Variants in PDE2A observed in about 807,000 individuals in gnomAD.
PDE2A encodes the protein cGMP-dependent 3',5'-cyclic phosphodiesterase.
PDE2A carries 53 observed loss-of-function variants against 133.6 expected under a neutral mutation model. The observed-to-expected ratio is 0.40, with a 90% CI of 0.32 to 0.50. The LOEUF is 0.50. Among genes scored for constraint, PDE2A ranks in the 20% least tolerant of loss-of-function variants. The pLI is 0.73. For missense variants in PDE2A, 796 were observed against 1,232.4 expected (o/e 0.65, Z 5.30); for synonymous variants, 491 against 490.2 (o/e 1.00, Z -0.02).
intron 5 of PDE2A, 78 bp from the exon 6 acceptor site, chr11:72,596,726 G>A (rs1856509383): frequency 4.4e-6 from 4 of 899,658 alleles, no homozygotes; most frequent in Non-Finnish European, 6.3e-6. Flanking sequence ...CCAGGTGGGG[G>A]AGACAAAGAT....
intron 2 of PDE2A, among the ~76,000 whole-genome samples, chr11:72,639,936 C>G (rs187319614): frequency 2.0e-5 from 3 of 152,168 alleles, no homozygotes; most frequent in East Asian, 1.9e-4. Context: ...ATTCCACACG[C>G]CCCAAATGTT....
intron 1 of PDE2A, among the ~76,000 whole-genome samples, chr11:72,653,528 A>G (rs1238345943): frequency 6.6e-6 from 1 of 152,042 alleles, no homozygotes; most frequent in Non-Finnish European, 1.5e-5. Flanking sequence ...GTCGCAGGGG[A>G]GTGACAGAGG....
At chr11:72,646,079 C>T (rs942469804) in intron 1 of PDE2A, among the ~76,000 whole-genome samples, 2 of 152,248 alleles carry the variant, frequency 1.3e-5, no homozygotes, top group Non-Finnish European at 2.9e-5. Flanking sequence ...CCGGTGTCTG[C>T]ACCCTCTGCC....
At chr11:72,660,994 T>A (rs1198094860) in intron 1 of PDE2A, among the ~76,000 whole-genome samples, 1 of 151,930 alleles carries the variant, frequency 6.6e-6, no homozygotes, top group Non-Finnish European at 1.5e-5. Flanking sequence ...TCTGGCTGTG[T>A]CCTCTCTGTG....
At chr11:72,665,255 C>A (rs1855200293) in intron 1 of PDE2A, among the ~76,000 whole-genome samples, 1 of 152,078 alleles carries the variant, frequency 6.6e-6, no homozygotes, top group Non-Finnish European at 1.5e-5. Flanking sequence ...CATGTTTGAG[C>A]CCCACAACCA....
chr11:72,661,374 CCTAA>C (rs1248348509), intron 1 of PDE2A, among the ~76,000 whole-genome samples: 2 of 152,078 alleles, frequency 1.3e-5, no homozygotes, highest in African/African-American at 4.8e-5. Context: ...CACAGCTATT[CCTAA>C]CTCATTTCCC....
chr11:72,601,920 G>A (rs995835784), intron 4 of PDE2A, among the ~76,000 whole-genome samples: 47 of 152,126 alleles, frequency 3.1e-4, no homozygotes, highest in African/African-American at 1.1e-3. Flanking sequence ...AGAGGGCATC[G>A]GATTGTGATT....
chr11:72,641,671 G>A (rs1372660728), intron 2 of PDE2A, among the ~76,000 whole-genome samples: 1 of 152,194 alleles, frequency 6.6e-6, no homozygotes, highest in African/African-American at 2.4e-5. Flanking sequence ...GGAAGGGATC[G>A]GGGAGTGGGT....
chr11:72,638,952 A>G (rs552485504), intron 2 of PDE2A, among the ~76,000 whole-genome samples: 2 of 152,068 alleles, frequency 1.3e-5, no homozygotes, highest in African/African-American at 2.4e-5. Flanking sequence ...TTCTCTGCCC[A>G]CCCCAACACC....
At chr11:72,638,893 G>A (rs561349651) in intron 2 of PDE2A, among the ~76,000 whole-genome samples, 1 of 152,206 alleles carries the variant, frequency 6.6e-6, no homozygotes, top group Non-Finnish European at 1.5e-5. Context: ...TGGCCAGCAA[G>A]ATCCCTTTTG....
chr11:72,673,905 G>A (rs1352875071), intron 1 of PDE2A, among the ~76,000 whole-genome samples: 1 of 152,100 alleles, frequency 6.6e-6, no homozygotes, highest in Non-Finnish European at 1.5e-5. Flanking sequence ...TGGGACCCCA[G>A]CCTCATCACC....
chr11:72,653,130 T>C (rs1187824625), intron 1 of PDE2A, among the ~76,000 whole-genome samples: 2 of 152,168 alleles, frequency 1.3e-5, no homozygotes, highest in Admixed American at 6.5e-5. Context: ...AGGCCATTGT[T>C]TGGGGCTTCC....
At chr11:72,669,229 T>C (rs1349921608) in intron 1 of PDE2A, among the ~76,000 whole-genome samples, 2 of 152,186 alleles carry the variant, frequency 1.3e-5, no homozygotes, top group African/African-American at 4.8e-5. Flanking sequence ...CTCTGCTCTA[T>C]CTTCAAAGCC....
chr11:72,636,103 C>T (rs1379730025), intron 2 of PDE2A: 3 of 1,236,596 alleles, frequency 2.4e-6, no homozygotes, highest in Admixed American at 2.3e-5. Context: ...AGGCAGAATG[C>T]CTGCCCCCTG....
rs116057625 is a variant in PDE2A at position 72,656,517 on chromosome 11, G to C, written c.72-14191C>G. The stretch of plus-strand genomic sequence containing the variant: ...CATCTCTGACCCTAATGCCTTGCTG[G>C]CCCTGGCAAGCCCCTGACTTCCCAG... On this transcript the variant is annotated intron_variant, in intron 1 of 30. Transcript: ENST00000334456. Among the ~76,000 whole-genome samples, 879 of 152,098 alleles carry C rather than the reference G, an allele frequency of 5.8e-3. 9 individuals carry two copies. The highest frequency in any genetic ancestry group is 0.02 in the African/African-American group (844 of 41,472).
chr11:72,633,905 G>C (rs1272043840), intron 2 of PDE2A, among the ~76,000 whole-genome samples: 1 of 152,208 alleles, frequency 6.6e-6, no homozygotes, highest in East Asian at 1.9e-4. Flanking sequence ...GCCAAGGGCA[G>C]TGTGCACCCA....
intron 1 of PDE2A, chr11:72,652,679 T>C (rs938366540): frequency 2.2e-6 from 1 of 456,294 alleles, no homozygotes; most frequent in South Asian, 1.5e-5. Flanking sequence ...AATTTTACAG[T>C]TGATGAAACT....
At chr11:72,582,275 G>T (rs1429832336) in intron 21 of PDE2A, 169 bp downstream of exon 21, 3 of 686,598 alleles carry the variant, frequency 4.4e-6, no homozygotes, top group African/African-American at 3.6e-5. Context: ...CCCCTGGGCA[G>T]GCCCTATGGC....
intron 11 of PDE2A, 73 bp downstream of exon 11, chr11:72,589,678 C>CCTTG: frequency 8.0e-7 from 1 of 1,254,824 alleles, no homozygotes. Flanking sequence ...ATACTCCAGG[C>CCTTG]AGATCCCAGG....
Sources: gnomAD v4.1 joint callset for allele counts (sites outside exome capture counted in the v4.1 genomes callset) on GRCh38, gnomAD v4.1.1 for gene constraint, MANE v1.5 for transcripts, NCBI Gene and HGNC (gene_info 2026-07-23, HGNC 2026-07-21) for gene names.